KIF6: variants seen among roughly 807,000 people sequenced by gnomAD.
KIF6 encodes kinesin-like protein KIF6.
A neutral mutation model predicts 112.7 loss-of-function variants in KIF6; 106 were observed. The observed-to-expected ratio is 0.94, with a 90% CI of 0.80 to 1.11. The LOEUF (loss-of-function observed/expected upper bound fraction) is 1.11, where lower values mean the gene tolerates loss of function less well. Among genes scored for constraint, KIF6 ranks in the 50% least tolerant of loss-of-function variants. The pLI is 0.00. For synonymous variants in KIF6, 339 were observed against 339.9 expected (o/e 1.00, Z 0.03); for missense variants, 929 against 964.0 (o/e 0.96, Z 0.48).
rs1017313085 is a variant in KIF6 at position 39,349,836 on chromosome 6, A to C, written c.2181-3310T>G. Among the ~76,000 whole-genome samples the C allele has an allele frequency of 2.6e-5, 4 of 151,790 alleles. No homozygotes were observed. In the South Asian group the frequency reaches 8.3e-4, roughly 32 times the overall value. On this transcript the variant is annotated intron_variant, in intron 19 of 22. Transcript: ENST00000287152. ...TATTTTTGTCTTTTTAGTAGAGATG[A>C]GGGTTCACCATATTGGCCAAGGCTG... is the stretch of plus-strand genomic sequence containing the variant.
chr6:39,706,083 G>A lies in KIF6; in HGVS notation c.251+8609C>T, dbSNP rs115134055. On this transcript the variant is annotated intron_variant, in intron 3 of 22. Transcript: ENST00000287152. ...TCCAAGTAACGCTTTTTATTTTACC[G>A]CTGACCCAGTAATTTTCACCCCTTG... is the stretch of plus-strand genomic sequence containing the variant. Among the ~76,000 whole-genome samples, 1,198 of 152,176 alleles carry A rather than the reference G, an allele frequency of 7.9e-3. 19 individuals carry two copies. The highest frequency in any genetic ancestry group is 0.027 in the African/African-American group (1,122 of 41,516).
intron 13 of KIF6, among the ~76,000 whole-genome samples, chr6:39,515,944 A>T (rs947167712): frequency 2.6e-5 from 4 of 152,238 alleles, no homozygotes; most frequent in Admixed American, 6.5e-5. Context: ...GTAATTTCAG[A>T]ATAATAGTAC....
At chr6:39,400,578 C>A (rs1024360624) in intron 15 of KIF6, among the ~76,000 whole-genome samples, 1 of 152,184 alleles carries the variant, frequency 6.6e-6, no homozygotes, top group African/African-American at 2.4e-5. Flanking sequence ...AGATTTTTCT[C>A]TATCCCCAAA....
At chr6:39,352,814 G>A (rs1340866247) in intron 19 of KIF6, among the ~76,000 whole-genome samples, 1 of 152,088 alleles carries the variant, frequency 6.6e-6, no homozygotes, top group African/African-American at 2.4e-5. Flanking sequence ...ATGTTGGCCA[G>A]GCTGCTCTTG....
At chr6:39,623,904 T>C (rs922338627) in intron 5 of KIF6, among the ~76,000 whole-genome samples, 4 of 152,170 alleles carry the variant, frequency 2.6e-5, no homozygotes, top group Non-Finnish European at 5.9e-5. Context: ...GCTCTTCCCA[T>C]GTGTCCCCTC....
At chr6:39,572,866 A>G (rs980214338) in intron 10 of KIF6, among the ~76,000 whole-genome samples, 1 of 151,168 alleles carries the variant, frequency 6.6e-6, no homozygotes, top group Non-Finnish European at 1.5e-5. Flanking sequence ...GGAGGCTGAC[A>G]TCTGAAATCC....
At chr6:39,519,293 C>G (rs150058195) in intron 13 of KIF6, among the ~76,000 whole-genome samples, 1 of 152,224 alleles carries the variant, frequency 6.6e-6, no homozygotes, top group African/African-American at 2.4e-5. Context: ...CCAAAAATAA[C>G]CATATACAAA....
At chr6:39,438,283 C>T (rs938602948) in intron 13 of KIF6, among the ~76,000 whole-genome samples, 8 of 152,108 alleles carry the variant, frequency 5.3e-5, no homozygotes, top group Non-Finnish European at 1.2e-4. Context: ...CTATACTATA[C>T]TTTTTATCAT....
chr6:39,470,788 C>A (rs952840831), intron 13 of KIF6, among the ~76,000 whole-genome samples: 14 of 145,624 alleles, frequency 9.6e-5, no homozygotes, highest in African/African-American at 3.2e-4. Context: ...ACTGGCCTTC[C>A]CAGCATGCAA....
Position 39,496,274 on chromosome 6 carries a change from A to T in KIF6, c.1645+43729T>A, listed in dbSNP as rs560164060. ...TGCCACATGACCACAGGACGGATGG[A>T]TGTCAACAGGGGAGGCAGAACCTTC... On this transcript the variant is annotated intron_variant, in intron 13 of 22. Transcript: ENST00000287152. 6.6e-4 allele frequency among the ~76,000 whole-genome samples: 100 copies of T among 152,284 alleles called. 4 individuals are homozygous for T. In the South Asian group the frequency reaches 0.02, roughly 30 times the overall value.
At chr6:39,600,884 G>A (rs1782529876) in intron 6 of KIF6, among the ~76,000 whole-genome samples, 1 of 152,082 alleles carries the variant, frequency 6.6e-6, no homozygotes, top group Non-Finnish European at 1.5e-5. Context: ...AGTGTTATAA[G>A]CAAATTTACA....
Position 39,458,076 on chromosome 6 carries a change from A to T in KIF6, c.1646-26915T>A, listed in dbSNP as rs191153703. ...GGGCAGAGACACAACCAAAAAAGAG[A>T]ATCTTAGACCAATATCCTTGATGAA... On this transcript the variant is annotated intron_variant, in intron 13 of 22. Transcript: ENST00000287152. 5.8e-4 allele frequency among the ~76,000 whole-genome samples: 88 copies of T among 152,014 alleles called. 5 individuals carry two copies. The East Asian group carries it at 0.013, about 23-fold the overall frequency.
chr6:39,356,533 G>A (rs143641474), intron 19 of KIF6, among the ~76,000 whole-genome samples: 4,290 of 152,196 alleles, frequency 0.028, 90 homozygotes, highest in Non-Finnish European at 0.041. Context: ...CCAAAGTGCT[G>A]GGATTACAGG....
intron 14 of KIF6, among the ~76,000 whole-genome samples, chr6:39,428,850 G>A (rs897373385): frequency 1.3e-5 from 2 of 152,194 alleles, no homozygotes; most frequent in African/African-American, 4.8e-5. Flanking sequence ...CCTGCTTCAT[G>A]GGGCATCGGC....
intron 19 of KIF6, among the ~76,000 whole-genome samples, chr6:39,354,827 T>G (rs1764516196): frequency 6.6e-6 from 1 of 152,220 alleles, no homozygotes; most frequent in Non-Finnish European, 1.5e-5. Context: ...TAGTTTGCAT[T>G]GCTAATGACT....
At chr6:39,680,149 A>G (rs1787431620) in intron 3 of KIF6, among the ~76,000 whole-genome samples, 1 of 152,054 alleles carries the variant, frequency 6.6e-6, no homozygotes, top group Non-Finnish European at 1.5e-5. Context: ...CTGGGATTAC[A>G]GCGGCACACC....
At chr6:39,615,905 A>G (rs982501525) in intron 5 of KIF6, among the ~76,000 whole-genome samples, 3 of 152,160 alleles carry the variant, frequency 2.0e-5, no homozygotes, top group Non-Finnish European at 4.4e-5. Flanking sequence ...GCCACACAAC[A>G]TTAACCACAC....
At chr6:39,557,801 C>T (rs1779789322) in intron 10 of KIF6, among the ~76,000 whole-genome samples, 1 of 151,736 alleles carries the variant, frequency 6.6e-6, no homozygotes, top group African/African-American at 2.4e-5. Flanking sequence ...AAATGAAAAA[C>T]ACAAGTTAAA....
At chr6:39,411,495 C>T (rs973838307) in intron 15 of KIF6, among the ~76,000 whole-genome samples, 5 of 152,164 alleles carry the variant, frequency 3.3e-5, no homozygotes, top group Admixed American at 2.0e-4. Context: ...AAGTGACTTG[C>T]GGTTCATCCT....
Sources: allele counts gnomAD v4.1 joint callset (sites outside exome capture counted in the v4.1 genomes callset), GRCh38; gene constraint gnomAD v4.1.1; transcripts MANE v1.5; gene names NCBI Gene and HGNC (gene_info 2026-07-23, HGNC 2026-07-21).